The following CPD variants were observed in gnomAD, a reference collection of about 807,000 sequenced individuals.
The protein encoded by CPD is carboxypeptidase D.
In CPD, 69 loss-of-function variants were observed where a neutral mutation model predicts 138.3. The observed-to-expected ratio is 0.50, with a 90% CI of 0.41 to 0.61. CPD has a LOEUF of 0.61. Ranked by LOEUF, CPD falls within the 20% of genes least tolerant of loss-of-function variation. The pLI is 0.00. For missense variants in CPD, 1,432 were observed against 1,733.3 expected, an observed-to-expected ratio of 0.83 and a Z score of 3.09; for synonymous variants, 651 against 642.1, an observed-to-expected ratio of 1.01 and a Z score of -0.21.
intron 14 of CPD, chr17:30,455,117 A>T: frequency 2.6e-6 from 1 of 390,576 alleles, no homozygotes; most frequent in Non-Finnish European, 4.6e-6. Flanking sequence ...GCTTAGAGTC[A>T]TTAGTATATA....
Position 30,420,844 on chromosome 17 carries a change from G to C in CPD, c.998G>C (p.Gly333Ala), listed in dbSNP as rs764950874. 3.1e-6 allele frequency: 5 copies of C among 1,608,296 alleles called. No individual in the cohort carries two copies. The South Asian group carries it at 5.5e-5, about 18-fold the overall frequency. ...NGAHWYDVEG[G>A]MQDYNYVWAN... is the part of the protein sequence containing the mutation. The stretch of plus-strand genomic sequence containing the variant: ...ACTTATTTTTTCTATGTTACAGGTG[G>C]TATGCAAGATTACAATTATGTGTGG... Residue 333 changes from glycine to alanine, a missense_variant, in exon 3 of 21, where the codon GGT becomes GCT. Physicochemically the swap from Gly to Ala is moderately conservative, Grantham distance 60. Around this residue, in one of 6 missense-constraint regions of CPD, gnomAD observed 484 missense variants for 477.2 expected, o/e 1.01. Coordinates refer to ENST00000225719, the MANE Select transcript of CPD (RefSeq NM_001304.5).
chr17:30,424,466 C>T (rs779714286), intron 6 of CPD, among the ~76,000 whole-genome samples: 3 of 152,164 alleles, frequency 2.0e-5, no homozygotes, highest in Non-Finnish European at 4.4e-5. Flanking sequence ...TTTGGAGTGC[C>T]GTGGTCAAGA....
chr17:30,430,864 G>A (rs1912544163), intron 7 of CPD, among the ~76,000 whole-genome samples: 1 of 151,784 alleles, frequency 6.6e-6, no homozygotes, highest in Non-Finnish European at 1.5e-5. Flanking sequence ...TGTTGCCCAG[G>A]CTGATCTTGA....
At chr17:30,443,102 T>G (rs1912924286) in intron 10 of CPD, among the ~76,000 whole-genome samples, 1 of 152,240 alleles carries the variant, frequency 6.6e-6, no homozygotes, top group South Asian at 2.1e-4. Flanking sequence ...TACCTAGATT[T>G]AACATTTTTA....
intron 8 of CPD, among the ~76,000 whole-genome samples, chr17:30,433,045 G>A (rs898636403): frequency 6.6e-6 from 1 of 152,102 alleles, no homozygotes; most frequent in Admixed American, 6.6e-5. Context: ...ACTATTATTG[G>A]TTATAGGTAA....
At chr17:30,419,462 C>T (rs1447226096) in intron 2 of CPD, among the ~76,000 whole-genome samples, 2 of 152,174 alleles carry the variant, frequency 1.3e-5, no homozygotes, top group Non-Finnish European at 2.9e-5. Context: ...GCCTCAGCCT[C>T]CCGAGTAGCT....
In CPD at chr17:30,443,940, G is replaced by A. The variant is rs1912948391; in HGVS notation, c.2512G>A (p.Gly838Arg). The change falls in exon 11 of 21, where the codon GGA (glycine) becomes AGA (arginine). Residue 838 changes from glycine (G) to arginine (R), a missense_variant. Gly to Arg is a moderately radical substitution (Grantham distance 125). Around this residue, in one of 6 missense-constraint regions of CPD, gnomAD observed 297 missense variants for 405.3 expected, o/e 0.73. Transcript: ENST00000225719. Reference protein sequence around the residue: ...TGDYWRLLVPGTYKITASARG... With the variant: ...TGDYWRLLVPRTYKITASARG... ...AGATTACTGGCGTCTCTTGGTTCCA[G>A]GAACTTATAAAATCACAGCATCTGC... The A allele has an allele frequency of 1.2e-6, 2 of 1,613,868 alleles. No individual in the cohort carries two copies. Among genetic ancestry groups the A allele is most frequent in the Non-Finnish European group, 8.5e-7 (1 of 1,179,850 alleles).
At chr17:30,456,770 A>T in intron 17 of CPD, 1 of 322,540 alleles carries the variant, frequency 3.1e-6, no homozygotes, top group Non-Finnish European at 5.8e-6. Flanking sequence ...TGAACCTGGG[A>T]GGCGGAGGTT....
chr17:30,403,254 A>G (rs1343191475), intron 2 of CPD, among the ~76,000 whole-genome samples: 1 of 152,206 alleles, frequency 6.6e-6, no homozygotes, highest in Non-Finnish European at 1.5e-5. Context: ...TTATAGTGCT[A>G]TTCAGATCTG....
intron 6 of CPD, among the ~76,000 whole-genome samples, chr17:30,426,415 G>A (rs1012226651): frequency 6.6e-6 from 1 of 152,230 alleles, no homozygotes; most frequent in African/African-American, 2.4e-5. Flanking sequence ...AGGGACTAGA[G>A]AATGGGTTGA....
At chr17:30,417,346 C>T (rs925335669) in intron 2 of CPD, among the ~76,000 whole-genome samples, 9 of 152,012 alleles carry the variant, frequency 5.9e-5, no homozygotes, top group African/African-American at 2.2e-4. Context: ...AAATATTTGC[C>T]GAAAGAAAAC....
chr17:30,414,433 A>C (rs1324397106), intron 2 of CPD, among the ~76,000 whole-genome samples: 1 of 152,052 alleles, frequency 6.6e-6, no homozygotes, highest in Non-Finnish European at 1.5e-5. Flanking sequence ...AATACAAAAA[A>C]TTAGCTGGGC....
At chr17:30,446,264 G>A (rs1331829032) in intron 12 of CPD, among the ~76,000 whole-genome samples, 3 of 151,872 alleles carry the variant, frequency 2.0e-5, no homozygotes, top group Admixed American at 1.3e-4. Flanking sequence ...CCATGTTGGT[G>A]TGCTGCACCC....
Position 30,432,077 on chromosome 17 carries a change from C to G in CPD, c.2127+196C>G, listed in dbSNP as rs138356830. 2.6e-3 allele frequency among the ~76,000 whole-genome samples: 391 copies of G among 152,246 alleles called. 3 individuals are homozygous for G. The highest frequency in any genetic ancestry group is 0.01 in the Middle Eastern group (3 of 294). On this transcript the variant is annotated intron_variant, in intron 8 of 20. Coordinates refer to ENST00000225719, the MANE Select transcript of CPD (RefSeq NM_001304.5). ...TACACTACATGTCTTTCTCCATTGG[C>G]CTTTTATCTATGGTTTTAGCACAGT...
At chr17:30,400,987 T>G (rs1225714715) in intron 2 of CPD, among the ~76,000 whole-genome samples, 1 of 152,018 alleles carries the variant, frequency 6.6e-6, no homozygotes, top group African/African-American at 2.4e-5. Context: ...TTGCCATCCT[T>G]CTTGAAGGAC....
intron 9 of CPD, among the ~76,000 whole-genome samples, chr17:30,440,681 T>G (rs879880443): frequency 2.7e-5 from 4 of 149,448 alleles, no homozygotes; most frequent in Non-Finnish European, 4.5e-5. Context: ...TTTCCCCATT[T>G]CTTGTTTTTC....
chr17:30,383,790 A>C (rs556985712), intron 1 of CPD, among the ~76,000 whole-genome samples: 192 of 151,974 alleles, frequency 1.3e-3, no homozygotes, highest in African/African-American at 4.4e-3. Flanking sequence ...GAATTTCTGT[A>C]GGTCAGTTAA....
chr17:30,421,786 C>T lies in CPD; in HGVS notation c.1260C>T (p.Tyr420=). The change falls in exon 4 of 21, where the codon TAC becomes TAT. Residue 420 remains tyrosine (Y), a synonymous_variant. Transcript: ENST00000225719. ...NITTGRFGDF[Y]RLLVPGTYNL... ...CAACAGGCAGATTTGGTGATTTCTA[C>T]CGATTACTTGTTCCTGGAACTTACA... The T allele has an allele frequency of 6.2e-7, 1 of 1,613,664 alleles. No individual in the cohort carries two copies. The highest frequency in any genetic ancestry group is 8.5e-7 in the Non-Finnish European group (1 of 1,179,712).
Position 30,446,037 on chromosome 17 carries a change from A to AT in CPD, c.2873+19dup. On this transcript the variant is annotated intron_variant, in intron 12 of 20. Coordinates refer to ENST00000225719, the MANE Select transcript of CPD (RefSeq NM_001304.5). ...TCTTACCAAGTAAGTGTCACTTTCTATTGTCTTTTTTTTTTTTTCAAGACA... is the reference window on the plus strand; with the variant it reads ...TCTTACCAAGTAAGTGTCACTTTCTATTTGTCTTTTTTTTTTTTTCAAGACA... 1 of 1,458,276 alleles carries AT rather than the reference A, an allele frequency of 6.9e-7. No homozygotes were observed. The highest frequency in any genetic ancestry group is 9.3e-7 in the Non-Finnish European group (1 of 1,075,490). 90.3% of individuals were successfully genotyped at this position (1,458,276 alleles called of 1,614,324 possible).
Sources: allele counts gnomAD v4.1 joint callset (sites outside exome capture counted in the v4.1 genomes callset), GRCh38; gene constraint gnomAD v4.1.1; regional missense constraint gnomAD v4.1.1; transcripts MANE v1.5; gene names NCBI Gene and HGNC (gene_info 2026-07-23, HGNC 2026-07-21).